The following KIR2DL4 variants were observed in gnomAD, a reference collection of about 807,000 sequenced individuals.
The protein encoded by KIR2DL4 is killer cell immunoglobulin-like receptor 2DL4.
In KIR2DL4, 41 loss-of-function variants were observed where a neutral mutation model predicts 31.0. The observed-to-expected ratio is 1.32, with a 90% CI of 1.03 to 1.72. KIR2DL4 has a LOEUF of 1.72. Among genes scored for constraint, KIR2DL4 ranks in the 40% most tolerant of loss-of-function variants. The pLI is 0.00. For synonymous variants in KIR2DL4, 164 were observed against 133.6 expected (o/e 1.23, Z -1.57); for missense variants, 438 against 353.7 (o/e 1.24, Z -1.91).
rs1159393498 is a variant in KIR2DL4 at position 54,813,150 on chromosome 19, G to A, written c.732G>A (p.Val244=). Residue 244 remains valine, a synonymous_variant, in exon 6 of 8, where the codon GTG becomes GTA. Coordinates refer to ENST00000359085, the Ensembl canonical transcript of KIR2DL4. ...GTATCGCCAGACACCTGCATGCTGT[G>A]ATTAGGTACTCAGTGGCCATCATCC... The A allele has an allele frequency of 8.6e-6, 13 of 1,519,026 alleles. No homozygotes were observed. The African/African-American group carries it at 1.8e-4, about 21-fold the overall frequency. The allele number at this position is 1,519,026 out of a possible 1,614,324, so 94.1% of individuals were successfully genotyped here. A position where few individuals can be genotyped will look rare whatever the true frequency, so the allele number is the denominator to read the frequency against.
At chr19:54,805,185 G>T in intron 3 of KIR2DL4, 108 bp downstream of exon 3, 2 of 1,125,932 alleles carry the variant, frequency 1.8e-6, no homozygotes, top group Non-Finnish European at 2.5e-6. Context: ...ACTATATTTG[G>T]GGTAAAGGGG....
chr19:54,813,349 C>T, intron 6 of KIR2DL4: 1 of 1,493,544 alleles, frequency 6.7e-7, no homozygotes. Context: ...GAGCCAGAGG[C>T]AGAGCTTTCT....
At chr19:54,806,025 T>A in exon 4 of KIR2DL4, 1 of 1,611,402 alleles carries the variant, frequency 6.2e-7, no homozygotes, top group Non-Finnish European at 8.5e-7. Context: ...GACCTTGTCC[T>A]GCAGCTCCCA....
intron 4 of KIR2DL4, among the ~76,000 whole-genome samples, chr19:54,807,411 G>C (rs940316860): frequency 6.6e-6 from 1 of 151,438 alleles, no homozygotes; most frequent in African/African-American, 2.4e-5. Context: ...TAGATCCTCT[G>C]GATGTTCTCT....
intron 4 of KIR2DL4, among the ~76,000 whole-genome samples, chr19:54,807,003 G>A (rs1220871597): frequency 2.8e-5 from 4 of 141,160 alleles, no homozygotes; most frequent in African/African-American, 1.1e-4. Context: ...GACACAGAGA[G>A]ACTCTGTCTC....
exon 1 of KIR2DL4, chr19:54,803,617 C>A: frequency 6.2e-7 from 1 of 1,612,038 alleles, no homozygotes; most frequent in East Asian, 2.2e-5. Flanking sequence ...GTCAGTCGAG[C>A]CGAGTCACTG....
intron 5 of KIR2DL4, among the ~76,000 whole-genome samples, chr19:54,811,429 A>G (rs2060861427): frequency 6.6e-6 from 1 of 151,314 alleles, no homozygotes; most frequent in Non-Finnish European, 1.5e-5. Flanking sequence ...CATAAATATA[A>G]TATAACATAC....
At chr19:54,809,254 A>T (rs1456381866) in intron 5 of KIR2DL4, among the ~76,000 whole-genome samples, 1 of 150,282 alleles carries the variant, frequency 6.7e-6, no homozygotes, top group Non-Finnish European at 1.5e-5. Flanking sequence ...GAGAAGTTCT[A>T]CTTGCCAAGG....
rs903729815 is a variant in KIR2DL4 at position 54,806,170 on chromosome 19, G to A, written c.581G>A (p.Arg194Lys). Reference sequence around the variant, plus strand: ...CCTGCCACCCACGGAGAGACCTACAGATGCTTCGGCTCTTTCCATGGATCT... The same window carrying A: ...CCTGCCACCCACGGAGAGACCTACAAATGCTTCGGCTCTTTCCATGGATCT... Residue 194 changes from arginine to lysine, a missense_variant, in exon 4 of 8, where the codon AGA becomes AAA. Physicochemically the swap from Arg to Lys is conservative, Grantham distance 26 (BLOSUM62 2). Coordinates refer to ENST00000359085, the Ensembl canonical transcript of KIR2DL4. 102 of 1,611,456 alleles carry A rather than the reference G, an allele frequency of 6.3e-5. 4 individuals carry two copies. Among genetic ancestry groups the A allele is most frequent in the Admixed American group, 2.5e-4 (15 of 59,856 alleles).
At chr19:54,812,990 CT>C (rs1351645928) in intron 5 of KIR2DL4, 8 of 614,372 alleles carry the variant, frequency 1.3e-5, no homozygotes, top group African/African-American at 2.2e-5. Flanking sequence ...CAGGAGAAAG[CT>C]GGGTCTCCCG....
At chr19:54,814,299 G>A (rs1182623401) in exon 8 of KIR2DL4, 1 of 638,512 alleles carries the variant, frequency 1.6e-6, no homozygotes, top group Non-Finnish European at 2.7e-6. Context: ...TTACTTCCTA[G>A]TCTACTTGAG....
At chr19:54,808,302 T>C (rs1437122297) in intron 4 of KIR2DL4, among the ~76,000 whole-genome samples, 1 of 151,066 alleles carries the variant, frequency 6.6e-6, no homozygotes, top group Non-Finnish European at 1.5e-5. Context: ...CTGGAGCATT[T>C]CTCCAGTGTT....
At chr19:54,813,790 A>G (rs1325702198) in intron 7 of KIR2DL4, 48 bp downstream of exon 6, 3 of 1,611,580 alleles carry the variant, frequency 1.9e-6, no homozygotes, top group Non-Finnish European at 2.5e-6. Context: ...ATTCCGAAAT[A>G]GTCCTGAAAA....
chr19:54,804,401 C>T (rs2060368625), intron 2 of KIR2DL4, among the ~76,000 whole-genome samples: 1 of 151,296 alleles, frequency 6.6e-6, no homozygotes, highest in African/African-American at 2.4e-5. Flanking sequence ...TGTCATTCTG[C>T]CAGAAGAGGT....
intron 5 of KIR2DL4, among the ~76,000 whole-genome samples, chr19:54,809,760 T>A (rs1041385201): frequency 1.3e-5 from 2 of 151,444 alleles, no homozygotes; most frequent in Admixed American, 1.3e-4. Context: ...TTCCTCATCT[T>A]TTAAGGACTT....
Position 54,806,267 on chromosome 19 carries a change from C to T in KIR2DL4, c.655+23C>T, listed in dbSNP as rs889601272. On this transcript the variant is annotated intron_variant, in intron 4 of 7. Coordinates refer to ENST00000359085, the Ensembl canonical transcript of KIR2DL4. ...CAGGTGAGGAAAGCCAATGTCTGTCCCATGTCCTATGGTCCTAGAGCCTTA... is the reference window on the plus strand; with the variant it reads ...CAGGTGAGGAAAGCCAATGTCTGTCTCATGTCCTATGGTCCTAGAGCCTTA... The T allele has an allele frequency of 1.5e-5, 24 of 1,603,120 alleles. No individual in the cohort carries two copies. The Admixed American group carries it at 1.8e-4, about 12-fold the overall frequency.
chr19:54,804,206 A>T lies in KIR2DL4; in HGVS notation c.76+280A>T, dbSNP rs1415422667. Among the ~76,000 whole-genome samples the T allele has an allele frequency of 2.0e-4, 30 of 150,568 alleles. 1 individual carries two copies. The highest frequency in any genetic ancestry group is 1.9e-3 in the Admixed American group (28 of 15,102). ...CCCCAGCCTTTCTTCCCCATGGCTG[A>T]GTTGAGCTCTGTGTGGCCCAGGCGG... On this transcript the variant is annotated intron_variant, in intron 2 of 7. Transcript: ENST00000359085.
At chr19:54,805,300 C>A (rs2060446577) in intron 3 of KIR2DL4, among the ~76,000 whole-genome samples, 1 of 151,382 alleles carries the variant, frequency 6.6e-6, no homozygotes, top group Non-Finnish European at 1.5e-5. Context: ...GGGCAGGGGA[C>A]TGAAGGGGAA....
intron 3 of KIR2DL4, 143 bp from the exon 4 acceptor site, chr19:54,805,808 G>T (rs796612632): frequency 2.5e-6 from 2 of 808,886 alleles, no homozygotes; most frequent in East Asian, 4.9e-5. Flanking sequence ...GGGAGGGATC[G>T]ACAGGAAGAG....
Sources: allele counts gnomAD v4.1 joint callset (sites outside exome capture counted in the v4.1 genomes callset), GRCh38; gene constraint gnomAD v4.1.1; transcripts MANE v1.5; gene names NCBI Gene and HGNC (gene_info 2026-07-23, HGNC 2026-07-21).